Variants in ZFP3 observed in about 807,000 individuals in gnomAD.
ZFP3 encodes the protein zinc finger protein 3 homolog.
ZFP3 carries 18 observed loss-of-function variants against 36.7 expected under a neutral mutation model. That is an observed-to-expected ratio of 0.49 (90% CI 0.34 to 0.73). ZFP3 has a LOEUF of 0.73. ZFP3 is among the 30% of genes least tolerant of loss of function. The pLI is 0.01. For synonymous variants in ZFP3, 218 were observed against 199.0 expected (o/e 1.10, Z -0.81); for missense variants, 495 against 599.0 (o/e 0.83, Z 1.81).
In ZFP3 at chr17:5,091,861, C is replaced by G; in HGVS notation, c.357C>G (p.Gly119=). ...TEGVSAFATS[G]QNFLEILESN... is the part of the protein sequence containing the mutation. ...GAGTTAGTGCATTTGCTACCTCTGG[C>G]CAAAACTTCCTAGAGATTTTAGAAT... Residue 119 remains glycine (G), a synonymous_variant, in exon 2 of 2, where the codon GGC becomes GGG. Coordinates refer to ENST00000318833, the MANE Select transcript of ZFP3 (RefSeq NM_153018.3). 1 of 1,614,156 alleles carries G rather than the reference C, an allele frequency of 6.2e-7. No homozygotes were observed. The highest frequency in any genetic ancestry group is 8.5e-7 in the Non-Finnish European group (1 of 1,180,030).
intron 1 of ZFP3, among the ~76,000 whole-genome samples, chr17:5,081,368 C>T (rs778208144): frequency 6.6e-6 from 1 of 151,990 alleles, no homozygotes; most frequent in Non-Finnish European, 1.5e-5. Context: ...ACTTTCTGTC[C>T]GGAATGCTAT....
At chr17:5,081,729 G>A (rs1403729332) in intron 1 of ZFP3, among the ~76,000 whole-genome samples, 1 of 151,572 alleles carries the variant, frequency 6.6e-6, no homozygotes, top group Admixed American at 6.6e-5. Context: ...AGCCTCCCGA[G>A]TAGCTGGGAC....
intron 1 of ZFP3, among the ~76,000 whole-genome samples, chr17:5,084,533 C>G (rs1047869668): frequency 6.6e-6 from 1 of 151,342 alleles, no homozygotes; most frequent in South Asian, 2.1e-4. Context: ...CCTCGGCCTC[C>G]CAAAGTGCTG....
intron 1 of ZFP3, among the ~76,000 whole-genome samples, chr17:5,084,651 A>G (rs2072112048): frequency 1.3e-5 from 2 of 152,142 alleles, no homozygotes; most frequent in Admixed American, 6.6e-5. Context: ...TGAGGGTCCT[A>G]TTCTGAGCTG....
In ZFP3 at chr17:5,092,466, G is replaced by A; in HGVS notation, c.962G>A (p.Ser321Asn). 6.2e-7 allele frequency: 1 copy of A among 1,614,102 alleles called. No individual in the cohort carries two copies. Among genetic ancestry groups the A allele is most frequent in the Non-Finnish European group, 8.5e-7 (1 of 1,180,004 alleles). ...CNECGKGFGQ[S>N]SELIRHQRIH... is the part of the protein sequence containing the mutation. ...GAATGTGGGAAGGGCTTCGGGCAGA[G>A]TTCTGAGCTTATCCGGCATCAGAGA... The change falls in exon 2 of 2, where the codon AGT becomes AAT. Residue 321 changes from serine (S) to asparagine (N), a missense_variant. Coordinates refer to ENST00000318833, the MANE Select transcript of ZFP3 (RefSeq NM_153018.3). This position sits in a 1 kb window ranked among gnomAD's most constrained non-coding sequence, Gnocchi z 5.0.
In ZFP3 at chr17:5,091,899, A is replaced by C. The variant is rs984232193; in HGVS notation, c.395A>C (p.Gln132Pro). 9.9e-6 allele frequency: 16 copies of C among 1,614,254 alleles called. No homozygotes were observed. The highest frequency in any genetic ancestry group is 1.3e-5 in the Non-Finnish European group (15 of 1,180,046). Residue 132 changes from glutamine (Q) to proline (P), a missense_variant, in exon 2 of 2, where the codon CAG becomes CCG. By Grantham distance (76) the Gln-to-Pro change is moderately conservative. Around this residue, in one of 3 missense-constraint regions of ZFP3, gnomAD observed 229 missense variants for 233.8 expected, o/e 0.98. Transcript: ENST00000318833. ...GAGATTTTAGAATCTAACAAAACACAGAGAAGTTCTGTGGGAGAAAAGCCT... is the reference window on the plus strand; with the variant it reads ...GAGATTTTAGAATCTAACAAAACACCGAGAAGTTCTGTGGGAGAAAAGCCT... Reference protein sequence around the residue: ...FLEILESNKTQRSSVGEKPHT... With the variant: ...FLEILESNKTPRSSVGEKPHT...
rs2143538128 is a variant in ZFP3 at position 5,095,024 on chromosome 17, T to C, written c.*2011T>C. ...GTTGATGCTCTTAACCACTGTGCTA[T>C]GCCGCAGGTAGGCAGATTCATTACT... is the stretch of plus-strand genomic sequence containing the variant. On this transcript the variant is annotated 3_prime_UTR_variant, in exon 2 of 2. Coordinates refer to ENST00000318833, the MANE Select transcript of ZFP3 (RefSeq NM_153018.3). 6.0e-6 allele frequency: 1 copy of C among 167,276 alleles called. No homozygotes were observed. Among genetic ancestry groups the C allele is most frequent in the South Asian group, 2.1e-4 (1 of 4,828 alleles). The allele number at this position is 167,276 out of a possible 1,614,324, so 10.4% of individuals were successfully genotyped here.
intron 1 of ZFP3, among the ~76,000 whole-genome samples, chr17:5,081,763 G>A (rs112806605): frequency 2.6e-5 from 4 of 151,196 alleles, no homozygotes; most frequent in African/African-American, 7.3e-5. Context: ...CACCACGCCC[G>A]GCTAATTTTT....
intron 1 of ZFP3, among the ~76,000 whole-genome samples, chr17:5,089,774 G>A (rs867514216): frequency 6.6e-6 from 1 of 151,404 alleles, no homozygotes; most frequent in South Asian, 2.1e-4. Flanking sequence ...TCCTACCTCA[G>A]CCTCCCCAGT....
chr17:5,090,014 T>C (rs955957281), intron 1 of ZFP3, among the ~76,000 whole-genome samples: 1 of 152,208 alleles, frequency 6.6e-6, no homozygotes, highest in East Asian at 1.9e-4. Context: ...ATAAGAGAGC[T>C]GATTACAAAA....
chr17:5,092,899 C>T lies in ZFP3; in HGVS notation c.1395C>T (p.Ile465=). 2 of 1,613,962 alleles carry T rather than the reference C, an allele frequency of 1.2e-6. No individual in the cohort carries two copies. Among genetic ancestry groups the T allele is most frequent in the Non-Finnish European group, 1.7e-6 (2 of 1,179,988 alleles). The change falls in exon 2 of 2, where the codon ATC becomes ATT. Residue 465 remains isoleucine (I), a synonymous_variant. Transcript: ENST00000318833. The surrounding 1 kb of genome is among the most constrained non-coding windows in gnomAD (Gnocchi z 5.0). ...EKTFSQHSQL[I]IHQRIHTGEK... ...CATTTAGCCAGCATTCCCAACTTAT[C>T]ATACATCAGAGAATTCACACTGGAG...
In ZFP3 at chr17:5,092,420, G is replaced by A. The variant is rs748533508; in HGVS notation, c.916G>A (p.Glu306Lys). The A allele has an allele frequency of 6.2e-7, 1 of 1,614,224 alleles. No homozygotes were observed. The highest frequency in any genetic ancestry group is 8.5e-7 in the Non-Finnish European group (1 of 1,180,042). ...TAGACACCAGAAAATTCATACTGGA[G>A]AAAAACCATATCTGTGTAATGAATG... is the stretch of plus-strand genomic sequence containing the variant. ...LIRHQKIHTGEKPYLCNECGK... is the reference protein window; with the variant it reads ...LIRHQKIHTGKKPYLCNECGK... The change falls in exon 2 of 2, where the codon GAA becomes AAA. Residue 306 changes from glutamate (E) to lysine (K), a missense_variant. By Grantham distance (56) the Glu-to-Lys change is moderately conservative. Coordinates refer to ENST00000318833, the MANE Select transcript of ZFP3 (RefSeq NM_153018.3). This position sits in a 1 kb window ranked among gnomAD's most constrained non-coding sequence, Gnocchi z 5.0.
chr17:5,088,431 C>T (rs567839237), intron 1 of ZFP3, among the ~76,000 whole-genome samples: 2 of 152,052 alleles, frequency 1.3e-5, no homozygotes, highest in African/African-American at 2.4e-5. Context: ...TTGATGACTG[C>T]AGCAGCCTCC....
intron 1 of ZFP3, among the ~76,000 whole-genome samples, chr17:5,085,049 G>GT (rs992454892): frequency 1.6e-3 from 248 of 151,958 alleles, no homozygotes; most frequent in African/African-American, 5.3e-3. Context: ...GGCTTTCTGT[G>GT]TTTTTTTTGA....
chr17:5,090,286 T>C (rs1352282305), intron 1 of ZFP3, among the ~76,000 whole-genome samples: 1 of 152,186 alleles, frequency 6.6e-6, no homozygotes, highest in Non-Finnish European at 1.5e-5. Context: ...GTTGAACTGT[T>C]TGATATTAGA....
Position 5,096,248 on chromosome 17 carries a change from T to C in ZFP3, c.*3235T>C, listed in dbSNP as rs1597909853. The C allele has an allele frequency of 6.0e-6, 1 of 167,084 alleles. No individual in the cohort carries two copies. The highest frequency in any genetic ancestry group is 1.5e-5 in the Non-Finnish European group (1 of 68,122). 10.4% of individuals were successfully genotyped at this position (167,084 alleles called of 1,614,324 possible). A position where few individuals can be genotyped will look rare whatever the true frequency, so the allele number is the denominator to read the frequency against. On this transcript the variant is annotated 3_prime_UTR_variant, in exon 2 of 2. Transcript: ENST00000318833. Reference sequence around the variant, plus strand: ...AGGCCTCAATCTTAAAAGTCCTATCTAAATACCCAGAAATACCCTTCAGAA... The same window carrying C: ...AGGCCTCAATCTTAAAAGTCCTATCCAAATACCCAGAAATACCCTTCAGAA...
chr17:5,083,345 G>A (rs2072103673), intron 1 of ZFP3, among the ~76,000 whole-genome samples: 1 of 151,988 alleles, frequency 6.6e-6, no homozygotes, highest in South Asian at 2.1e-4. Flanking sequence ...ATCACCTGAG[G>A]TCAGGAGTTG....
intron 1 of ZFP3, among the ~76,000 whole-genome samples, chr17:5,088,996 C>T (rs2072135954): frequency 6.6e-6 from 1 of 152,180 alleles, no homozygotes; most frequent in South Asian, 2.1e-4. Context: ...CTGCCCTAAG[C>T]AAAGGCCACT....
In ZFP3 at chr17:5,078,611, C is replaced by T. The variant is rs988264380; in HGVS notation, c.-9+36C>T. ...ATTCCGTCGCGGCTGTGGGGGTAGG[C>T]GGGGGCTGGGCTCCCAGCTCCCTAG... is the stretch of plus-strand genomic sequence containing the variant. On this transcript the variant is annotated intron_variant, in intron 1 of 1. Transcript: ENST00000318833. This position sits in a 1 kb window ranked among gnomAD's most constrained non-coding sequence, Gnocchi z 4.5. 2 of 152,444 alleles carry T rather than the reference C, an allele frequency of 1.3e-5. No individual in the cohort carries two copies. The highest frequency in any genetic ancestry group is 2.9e-5 in the Non-Finnish European group (2 of 68,276). The allele number at this position is 152,444 out of a possible 1,614,324, so 9.4% of individuals were successfully genotyped here.
Sources: allele counts gnomAD v4.1 joint callset (sites outside exome capture counted in the v4.1 genomes callset), GRCh38; gene constraint gnomAD v4.1.1; regional missense constraint gnomAD v4.1.1; non-coding constraint Gnocchi (gnomAD v3.1); transcripts MANE v1.5; gene names NCBI Gene and HGNC (gene_info 2026-07-23, HGNC 2026-07-21).